Variants in SOX30 observed in about 807,000 individuals in gnomAD.
The protein encoded by SOX30 is transcription factor SOX-30.
In SOX30, 17 loss-of-function variants were observed where a neutral mutation model predicts 58.6. The ratio of observed to expected loss-of-function variants is 0.29; its 90% CI spans 0.20 to 0.44. The LOEUF (loss-of-function observed/expected upper bound fraction) is 0.44, where lower values mean the gene tolerates loss of function less well. SOX30 is among the 20% of genes least tolerant of loss of function. The pLI, the probability that SOX30 is intolerant of heterozygous loss-of-function variation, is 1.00. For synonymous variants in SOX30, 421 were observed against 400.2 expected (o/e 1.05, Z -0.62); for missense variants, 951 against 965.8 (o/e 0.98, Z 0.20).
chr5:157,650,771 T>C (rs1405332298), intron 1 of SOX30, among the ~76,000 whole-genome samples: 1 of 152,260 alleles, frequency 6.6e-6, no homozygotes, highest in Non-Finnish European at 1.5e-5. Flanking sequence ...TGAGCTGTTA[T>C]ACTACAATAT....
At position 157,642,153 on chromosome 5, in the gene SOX30, T is replaced by A. The variant is rs551340469; in HGVS notation, c.1388-3431A>T. On this transcript the variant is annotated intron_variant, in intron 3 of 4. Transcript: ENST00000265007. ...CAATGTTGCGAAACCCCGTCTCTAC[T>A]AAAAATACAAAAATTAGCCAGGCGT... 3.3e-5 allele frequency among the ~76,000 whole-genome samples: 5 copies of A among 152,056 alleles called. No homozygotes were observed. The East Asian group carries it at 9.7e-4, about 29-fold the overall frequency.
In SOX30 at chr5:157,671,469, C is replaced by G. The variant is rs968590715; in HGVS notation, c.-143G>C. ...GTCCAACAGCCCCCGTCCCCTTCCCCGCAGCCAATATGTGTCTCCCAGGCA... is the reference window on the plus strand; with the variant it reads ...GTCCAACAGCCCCCGTCCCCTTCCCGGCAGCCAATATGTGTCTCCCAGGCA... On this transcript the variant is annotated 5_prime_UTR_variant, in exon 1 of 6. Coordinates refer to the SOX30 transcript ENST00000519442. 67 of 652,610 alleles carry G rather than the reference C, an allele frequency of 1.0e-4. No individual in the cohort carries two copies. In the South Asian group the frequency reaches 1.3e-3, roughly 12 times the overall value. The allele number at this position is 652,610 out of a possible 1,614,324, so 40.4% of individuals were successfully genotyped here.
chr5:157,636,647 C>A (rs961612952), intron 4 of SOX30, among the ~76,000 whole-genome samples: 1 of 152,122 alleles, frequency 6.6e-6, no homozygotes, highest in African/African-American at 2.4e-5. Context: ...CAAAAGCAAG[C>A]AATTGATTAT....
At chr5:157,627,827 T>C (rs1050953349) in intron 4 of SOX30, among the ~76,000 whole-genome samples, 2 of 152,034 alleles carry the variant, frequency 1.3e-5, no homozygotes, top group Admixed American at 6.6e-5. Context: ...ACCCCATCTC[T>C]ACTAAAAATA....
intron 4 of SOX30, among the ~76,000 whole-genome samples, chr5:157,629,050 A>T (rs1758727696): frequency 6.6e-6 from 1 of 152,192 alleles, no homozygotes; most frequent in Non-Finnish European, 1.5e-5. Context: ...ATGGGTACAA[A>T]CATACAGTTA....
At chr5:157,671,120 G>C (rs1759772714) in intron 1 of SOX30, among the ~76,000 whole-genome samples, 1 of 152,188 alleles carries the variant, frequency 6.6e-6, no homozygotes, top group African/African-American at 2.4e-5. Context: ...CACCAGTCTT[G>C]ATCCTGGAGC....
rs561441454 is a variant in SOX30, at chr5:157,649,038, G to A, written c.968-142C>T. 1.4e-5 allele frequency: 15 copies of A among 1,068,634 alleles called. No homozygotes were observed. In the Middle Eastern group the frequency reaches 1.3e-3, roughly 90 times the overall value. 66.2% of individuals were successfully genotyped at this position (1,068,634 alleles called of 1,614,324 possible). A position where few individuals can be genotyped will look rare whatever the true frequency, so the allele number is the denominator to read the frequency against. On this transcript the variant is annotated intron_variant, in intron 1 of 4. Transcript: ENST00000265007. Reference sequence around the variant, plus strand: ...CACTTCAATATAACCAAAAAAACCTGCCAGTATTCCACAATTCCTTACATC... The same window carrying A: ...CACTTCAATATAACCAAAAAAACCTACCAGTATTCCACAATTCCTTACATC...
At chr5:157,668,853 A>T (rs1330650819) in intron 1 of SOX30, among the ~76,000 whole-genome samples, 3 of 152,050 alleles carry the variant, frequency 2.0e-5, no homozygotes, top group Non-Finnish European at 4.4e-5. Flanking sequence ...TGAGCCTGGG[A>T]GTAGGAAGGT....
rs1173980536 is a variant in SOX30 at position 157,651,171 on chromosome 5, T to A, written c.908A>T (p.Glu303Val). 1 of 1,602,360 alleles carries A rather than the reference T, an allele frequency of 6.2e-7. No individual in the cohort carries two copies. Among genetic ancestry groups the A allele is most frequent in the Non-Finnish European group, 8.5e-7 (1 of 1,174,322 alleles). The change falls in exon 1 of 5, where the codon GAG (glutamate) becomes GTG (valine). Residue 303 changes from glutamate to valine, a missense_variant. By Grantham distance (121) the Glu-to-Val change is moderately radical. This residue lies in a region of SOX30 where 60 missense variants were observed against 74.0 expected (regional missense o/e 0.81). Coordinates refer to ENST00000265007, the MANE Select transcript of SOX30 (RefSeq NM_178424.2). ...PVPTKMQSLLEPSVKIETKDV... is the reference protein window; with the variant it reads ...PVPTKMQSLLVPSVKIETKDV... ...TTTGGTTTCAATTTTTACAGAAGGC[T>A]CCAGTAGGGACTGCATTTTAGTAGG... is the stretch of plus-strand genomic sequence containing the variant.
chr5:157,668,164 G>A (rs1172878005), intron 1 of SOX30, among the ~76,000 whole-genome samples: 1 of 152,210 alleles, frequency 6.6e-6, no homozygotes, highest in Admixed American at 6.5e-5. Flanking sequence ...CATGTTTGGA[G>A]CCTTCGTTTA....
At chr5:157,649,518 G>A (rs375986058) in intron 1 of SOX30, among the ~76,000 whole-genome samples, 62 of 152,326 alleles carry the variant, frequency 4.1e-4, no homozygotes, top group Admixed American at 6.5e-4. Context: ...GGCCAGGTAC[G>A]GTGGCTCACG....
chr5:157,643,197 G>A (rs530243784), intron 3 of SOX30, among the ~76,000 whole-genome samples: 1 of 152,204 alleles, frequency 6.6e-6, no homozygotes, highest in Non-Finnish European at 1.5e-5. Context: ...GCAGAGGTGG[G>A]CAGATCACCT....
intron 3 of SOX30, among the ~76,000 whole-genome samples, chr5:157,639,547 G>C (rs535829673): frequency 6.6e-6 from 1 of 152,254 alleles, no homozygotes; most frequent in African/African-American, 2.4e-5. Flanking sequence ...TTGCAGCAGA[G>C]CATGAAAGAT....
chr5:157,639,664 C>G (rs1759016263), intron 3 of SOX30, among the ~76,000 whole-genome samples: 1 of 152,166 alleles, frequency 6.6e-6, no homozygotes, highest in Non-Finnish European at 1.5e-5. Context: ...AATGACACAC[C>G]TGGTCTAAAT....
At chr5:157,663,244 CT>C (rs2113858794) in intron 2 of SOX30, among the ~76,000 whole-genome samples, 1 of 152,244 alleles carries the variant, frequency 6.6e-6, no homozygotes, top group South Asian at 2.1e-4. Context: ...CGTCAAAAAG[CT>C]TATCCACCAC....
At position 157,651,815 on chromosome 5, in the gene SOX30, G is replaced by C; in HGVS notation, c.264C>G (p.Asn88Lys). ...GCGCGGACGAGGCAGCGGCTTCCTC[G>C]TTCTGGGCCTGAGGCTGTGGTAGCA... ...VLLLPQPQAQ[N>K]EEAAASSAQA... The change falls in exon 1 of 5, where the codon AAC becomes AAG. Residue 88 changes from asparagine (N) to lysine (K), a missense_variant. Around this residue, in one of 7 missense-constraint regions of SOX30, gnomAD observed 363 missense variants for 294.5 expected, o/e 1.23. Transcript: ENST00000265007. 6.3e-7 allele frequency: 1 copy of C among 1,585,452 alleles called. No individual in the cohort carries two copies.
intron 1 of SOX30, among the ~76,000 whole-genome samples, chr5:157,670,257 G>A (rs1264736120): frequency 6.6e-6 from 1 of 152,200 alleles, no homozygotes; most frequent in Non-Finnish European, 1.5e-5. Context: ...ATCAGGCACT[G>A]TATTAGGTGT....
chr5:157,638,238 G>A lies in SOX30; in HGVS notation c.1872C>T (p.Phe624=), dbSNP rs139814926. 1.1e-3 allele frequency: 1,605 copies of A among 1,518,392 alleles called. 3 individuals carry two copies. Among genetic ancestry groups the A allele is most frequent in the Admixed American group, 2.4e-3 (108 of 45,006 alleles). The allele number at this position is 1,518,392 out of a possible 1,614,324, so 94.1% of individuals were successfully genotyped here. The change falls in exon 4 of 5, where the codon TTC becomes TTT. Residue 624 remains phenylalanine (F), a synonymous_variant. Coordinates refer to ENST00000265007, the MANE Select transcript of SOX30 (RefSeq NM_178424.2). ...AAAAAATGTTAATTTACCTTGATGG[G>A]AAGTAGTGAGGTCCGGGTAGGAAGT... ...HPYFLPGPHY[F]PSSTCPYSRP... is the part of the protein sequence containing the mutation.
chr5:157,660,886 C>T (rs759251657), intron 2 of SOX30, among the ~76,000 whole-genome samples: 1 of 152,122 alleles, frequency 6.6e-6, no homozygotes, highest in Non-Finnish European at 1.5e-5. Context: ...ATCTATGGAT[C>T]AATTTTGGGA....
Sources: gnomAD v4.1 joint callset for allele counts (sites outside exome capture counted in the v4.1 genomes callset) on GRCh38, gnomAD v4.1.1 for gene constraint, gnomAD v4.1.1 regional missense constraint, MANE v1.5 for transcripts, NCBI Gene and HGNC (gene_info 2026-07-23, HGNC 2026-07-21) for gene names.